The following NDUFB5 variants were observed in gnomAD, a reference collection of about 807,000 sequenced individuals.
NDUFB5 encodes the protein NADH dehydrogenase [ubiquinone] 1 beta subcomplex subunit 5, mitochondrial.
Under a neutral mutation model 19.4 loss-of-function variants are expected in NDUFB5, and 19 were observed. The observed-to-expected ratio is 0.98, with a 90% confidence interval of 0.68 to 1.43. The LOEUF (loss-of-function observed/expected upper bound fraction) is 1.43, where lower values mean the gene tolerates loss of function less well. NDUFB5 is among the 40% of genes most tolerant of loss of function. The pLI is 0.00. For synonymous variants in NDUFB5, 80 were observed against 82.6 expected, an observed-to-expected ratio of 0.97 and a Z score of 0.17; for missense variants, 233 against 236.5, an observed-to-expected ratio of 0.99 and a Z score of 0.10.
intron 2 of NDUFB5, 40 bp downstream of exon 2, chr3:179,615,099 T>C: frequency 7.3e-7 from 1 of 1,376,914 alleles, no homozygotes; most frequent in South Asian, 1.4e-5. Context: ...TCTTTGCATG[T>C]AACAGGGAAA....
chr3:179,615,490 A>G, intron 2 of NDUFB5: 1 of 423,586 alleles, frequency 2.4e-6, no homozygotes, highest in Non-Finnish European at 4.8e-6. Context: ...CTATAGTGCA[A>G]TCTTAATTTA....
In NDUFB5 at chr3:179,623,997, A is replaced by G; in HGVS notation, c.527A>G (p.Lys176Arg). The change falls in exon 6 of 6, where the codon AAG (lysine) becomes AGG (arginine). Residue 176 changes from lysine to arginine, a missense_variant. Lys to Arg is a conservative substitution (Grantham distance 26). Transcript: ENST00000259037. ...TGGTATTACTATGAGACAATTGACA[A>G]GGAACTTATTGATCATTCTCCGAAA... ...GPWYYYETID[K>R]ELIDHSPKAT... The G allele has an allele frequency of 6.2e-7, 1 of 1,614,080 alleles. No homozygotes were observed. The highest frequency in any genetic ancestry group is 8.5e-7 in the Non-Finnish European group (1 of 1,179,948).
chr3:179,623,793 G>T, intron 5 of NDUFB5, 127 bp from the exon 6 acceptor site: 1 of 1,171,976 alleles, frequency 8.5e-7, no homozygotes, highest in Non-Finnish European at 1.2e-6. Context: ...GCCTACATAA[G>T]GGTCTGTGGA....
chr3:179,625,905 A>G lies in NDUFB5; in HGVS notation c.*1865A>G, dbSNP rs1415131411. On this transcript the variant is annotated 3_prime_UTR_variant, in exon 6 of 6. Transcript: ENST00000259037. ...TTCTTTTTCATAATATTGTCCATACATACCACATTTTCTATATCCATTTAT... is the reference window on the plus strand; with the variant it reads ...TTCTTTTTCATAATATTGTCCATACGTACCACATTTTCTATATCCATTTAT... The G allele has an allele frequency of 3.3e-5, 5 of 152,216 alleles. No individual in the cohort carries two copies. The highest frequency in any genetic ancestry group is 6.5e-5 in the Admixed American group (1 of 15,276). The allele number at this position is 152,216 out of a possible 1,614,324, so 9.4% of individuals were successfully genotyped here.
chr3:179,619,914 C>T (rs1400530360), intron 5 of NDUFB5, among the ~76,000 whole-genome samples: 1 of 152,148 alleles, frequency 6.6e-6, no homozygotes, highest in African/African-American at 2.4e-5. Flanking sequence ...GATGGTATCT[C>T]ATTGTGGTTT....
chr3:179,623,500 CCTGT>C (rs1719587635), intron 5 of NDUFB5, among the ~76,000 whole-genome samples: 1 of 152,108 alleles, frequency 6.6e-6, no homozygotes. Context: ...ATGATAAAAC[CCTGT>C]CTCCACTAAA....
rs745842319 is a variant in NDUFB5 at position 179,615,992 on chromosome 3, A to G, written c.223A>G (p.Ile75Val). ...RRFLKLLRFY[I>V]ALTGIPVAIF... ...TTTTTTTTTATCTTAGAGATTCTAC[A>G]TTGCATTGACTGGGATTCCAGTAGC... is the stretch of plus-strand genomic sequence containing the variant. The change falls in exon 3 of 6, where the codon ATT becomes GTT. Residue 75 changes from isoleucine (I) to valine (V), a missense_variant. By Grantham distance (29) the Ile-to-Val change is conservative. Coordinates refer to ENST00000259037, the MANE Select transcript of NDUFB5 (RefSeq NM_002492.4). The G allele has an allele frequency of 5.6e-6, 9 of 1,612,708 alleles. No individual in the cohort carries two copies. Among genetic ancestry groups the G allele is most frequent in the South Asian group, 5.5e-5 (5 of 91,008 alleles).
chr3:179,608,839 C>G (rs1719169034), intron 1 of NDUFB5, among the ~76,000 whole-genome samples: 1 of 152,116 alleles, frequency 6.6e-6, no homozygotes, highest in Non-Finnish European at 1.5e-5. Flanking sequence ...GGAGTTTCTT[C>G]AGACCCACAA....
Position 179,624,217 on chromosome 3 carries a change from G to T in NDUFB5, c.*177G>T, listed in dbSNP as rs566831168. 6 of 467,576 alleles carry T rather than the reference G, an allele frequency of 1.3e-5. No homozygotes were observed. The East Asian group carries it at 2.3e-4, about 18-fold the overall frequency. The allele number at this position is 467,576 out of a possible 1,614,324, so 29.0% of individuals were successfully genotyped here. On this transcript the variant is annotated 3_prime_UTR_variant, in exon 6 of 6. Coordinates refer to ENST00000259037, the MANE Select transcript of NDUFB5 (RefSeq NM_002492.4). ...GTTTGGCTTCCAGTCCCCAAAGAAG[G>T]TTTAAAATGTACTAATAAAAACTGG... is the stretch of plus-strand genomic sequence containing the variant.
chr3:179,618,657 A>C, intron 5 of NDUFB5, 136 bp downstream of exon 5: 1 of 623,872 alleles, frequency 1.6e-6, no homozygotes, highest in Non-Finnish European at 2.8e-6. Flanking sequence ...GTCCAGATGC[A>C]GTGGCTCACA....
chr3:179,623,336 G>A (rs1719583804), intron 5 of NDUFB5, among the ~76,000 whole-genome samples: 1 of 152,254 alleles, frequency 6.6e-6, no homozygotes, highest in Admixed American at 6.5e-5. Flanking sequence ...GCACACTGAA[G>A]GAGAGAATTC....
intron 2 of NDUFB5, chr3:179,615,565 G>A (rs567344270): frequency 6.5e-6 from 3 of 461,702 alleles, no homozygotes; most frequent in Middle Eastern, 3.2e-4. Context: ...GGCTCTATAC[G>A]AACAAAGTAG....
Position 179,618,409 on chromosome 3 carries a change from T to TTG in NDUFB5, c.343-4_343-3dup. The TTG allele has an allele frequency of 6.3e-7, 1 of 1,579,304 alleles. No individual in the cohort carries two copies. The highest frequency in any genetic ancestry group is 8.6e-7 in the Non-Finnish European group (1 of 1,158,638). On this transcript the variant is annotated splice_region_variant and splice_polypyrimidine_tract_variant and intron_variant, in intron 4 of 5. Coordinates refer to ENST00000259037, the MANE Select transcript of NDUFB5 (RefSeq NM_002492.4). Reference sequence around the variant, plus strand: ...GGACTAATATTAAACGAATTTTCTCTTGTAGCATCCCATATCAAGATGGAT... The same window carrying TTG: ...GGACTAATATTAAACGAATTTTCTCTTGTGTAGCATCCCATATCAAGATGGAT...
At chr3:179,615,816 A>G in intron 2 of NDUFB5, 167 bp from the exon 3 acceptor site, 11 of 649,666 alleles carry the variant, frequency 1.7e-5, no homozygotes, top group Middle Eastern at 2.4e-4. Context: ...CTTTCATGGC[A>G]TTGCTTTACC....
At chr3:179,622,888 G>A (rs1044783373) in intron 5 of NDUFB5, among the ~76,000 whole-genome samples, 18 of 152,102 alleles carry the variant, frequency 1.2e-4, no homozygotes, top group African/African-American at 4.1e-4. Flanking sequence ...CTTCAGGAAT[G>A]TGTGATTGTT....
Position 179,624,580 on chromosome 3 carries a change from C to CAT in NDUFB5, c.*541_*542insTA, listed in dbSNP as rs2108406164. On this transcript the variant is annotated 3_prime_UTR_variant, in exon 6 of 6. Coordinates refer to ENST00000259037, the MANE Select transcript of NDUFB5 (RefSeq NM_002492.4). ...ACAGACACACAGACACGTACACACA[C>CAT]ACACACACACACACACACACACACG... 1 of 125,782 alleles carries CAT rather than the reference C, an allele frequency of 8.0e-6. No individual in the cohort carries two copies. Among genetic ancestry groups the CAT allele is most frequent in the African/African-American group, 2.9e-5 (1 of 34,472 alleles). 7.8% of individuals were successfully genotyped at this position (125,782 alleles called of 1,614,324 possible). A position where few individuals can be genotyped will look rare whatever the true frequency, so the allele number is the denominator to read the frequency against.
chr3:179,613,217 A>C (rs779512697), intron 1 of NDUFB5, among the ~76,000 whole-genome samples: 7 of 151,892 alleles, frequency 4.6e-5, no homozygotes, highest in Non-Finnish European at 8.8e-5. Flanking sequence ...GGCTTTTGAG[A>C]GATCTCTTTG....
intron 1 of NDUFB5, among the ~76,000 whole-genome samples, chr3:179,608,783 G>A (rs190774152): frequency 8.5e-5 from 13 of 152,250 alleles, no homozygotes; most frequent in African/African-American, 1.4e-4. Flanking sequence ...ACGGAGGTTT[G>A]GGAAGTTCCT....
At chr3:179,616,827 T>C in intron 3 of NDUFB5, 156 bp from the exon 4 acceptor site, 1 of 608,762 alleles carries the variant, frequency 1.6e-6, no homozygotes, top group Non-Finnish European at 2.9e-6. Context: ...TTCAACCAGA[T>C]TAAAGTGAAT....
Sources: gnomAD v4.1 joint callset for allele counts (sites outside exome capture counted in the v4.1 genomes callset) on GRCh38, gnomAD v4.1.1 for gene constraint, MANE v1.5 for transcripts, NCBI Gene and HGNC (gene_info 2026-07-23, HGNC 2026-07-21) for gene names.